The following PRKN variants were observed in gnomAD, a reference collection of about 807,000 sequenced individuals.
PRKN encodes E3 ubiquitin-protein ligase parkin.
Under a neutral mutation model 59.5 loss-of-function variants are expected in PRKN, and 56 were observed. That is an observed-to-expected ratio of 0.94 (90% CI 0.76 to 1.18). PRKN has a LOEUF of 1.18. PRKN is among the 50% of genes most tolerant of loss of function. The pLI, the probability that PRKN is intolerant of heterozygous loss-of-function variation, is 0.00. For missense variants in PRKN, 657 were observed against 596.4 expected (o/e 1.10, Z -1.06); for synonymous variants, 250 against 222.1 (o/e 1.13, Z -1.12).
intron 5 of PRKN, among the ~76,000 whole-genome samples, chr6:162,024,159 A>ACGAGTC (rs1783322764): frequency 6.8e-6 from 1 of 147,500 alleles, no homozygotes; most frequent in African/African-American, 2.5e-5. Context: ...TGTGTCAGGT[A>ACGAGTC]CGAGTCCCTC....
intron 4 of PRKN, among the ~76,000 whole-genome samples, chr6:162,055,952 C>T (rs1777839954): frequency 6.6e-6 from 1 of 151,968 alleles, no homozygotes; most frequent in South Asian, 2.1e-4. Flanking sequence ...CACATGCATG[C>T]CACACACTCA....
chr6:162,385,805 A>G, intron 2 of PRKN, among the ~76,000 whole-genome samples: 1 of 152,136 alleles, frequency 6.6e-6, no homozygotes, highest in East Asian at 1.9e-4. Context: ...TCTGAACAAA[A>G]GGAAATTAAT....
At chr6:161,692,696 A>T (rs916418500) in intron 7 of PRKN, among the ~76,000 whole-genome samples, 1 of 152,200 alleles carries the variant, frequency 6.6e-6, no homozygotes, top group Non-Finnish European at 1.5e-5. Context: ...TTTGAGGTCG[A>T]GAATTTGAGA....
rs1427010079 is a variant in PRKN at position 161,880,982 on chromosome 6, C to CT, written c.734+92319dup. ...CAGAAAACTAGTTATGTGGGGTTTG[C>CT]TTTTTTCAGTTTCTAAGCTTTCATA... is the stretch of plus-strand genomic sequence containing the variant. On this transcript the variant is annotated intron_variant, in intron 6 of 11. Coordinates refer to ENST00000366898, the MANE Select transcript of PRKN (RefSeq NM_004562.3). Among the ~76,000 whole-genome samples the CT allele has an allele frequency of 1.3e-4, 20 of 152,172 alleles. No homozygotes were observed. The East Asian group carries it at 3.5e-3, about 26-fold the overall frequency.
At chr6:162,445,521 T>C (rs1180491373) in intron 1 of PRKN, among the ~76,000 whole-genome samples, 4 of 151,384 alleles carry the variant, frequency 2.6e-5, no homozygotes, top group African/African-American at 9.7e-5. Flanking sequence ...ACCCCATCTC[T>C]ACAAAAAATT....
chr6:161,715,332 T>G (rs955752188), intron 7 of PRKN, among the ~76,000 whole-genome samples: 4 of 152,068 alleles, frequency 2.6e-5, no homozygotes, highest in African/African-American at 9.7e-5. Context: ...TTCCTGACTT[T>G]CGGTGATGAT....
In PRKN at chr6:161,354,719, T is replaced by G. The variant is rs1784685897; in HGVS notation, c.1286-4508A>C. Among the ~76,000 whole-genome samples the G allele has an allele frequency of 6.6e-6, 1 of 152,220 alleles. No homozygotes were observed. The highest frequency in any genetic ancestry group is 1.5e-5 in the Non-Finnish European group (1 of 68,046). ...CCTTGGTGACAACCAGGTAACATCC[T>G]TGGTCATAGAGGCTATGTCGGTTTC... is the stretch of plus-strand genomic sequence containing the variant. On this transcript the variant is annotated intron_variant, in intron 11 of 11. Transcript: ENST00000366898. This position sits in a 1 kb window ranked among gnomAD's most constrained non-coding sequence, Gnocchi z 6.7.
chr6:161,663,312 C>T (rs1020169286), intron 7 of PRKN, among the ~76,000 whole-genome samples: 2 of 152,146 alleles, frequency 1.3e-5, no homozygotes, highest in Non-Finnish European at 2.9e-5. Flanking sequence ...ACCGGACCTT[C>T]GACTTTGGCG....
intron 7 of PRKN, among the ~76,000 whole-genome samples, chr6:161,757,721 C>A (rs909132162): frequency 6.6e-6 from 1 of 151,496 alleles, no homozygotes; most frequent in Non-Finnish European, 1.5e-5. Flanking sequence ...GCCTGTAATC[C>A]CAGCTACTCG....
At chr6:161,534,471 C>A (rs1410496934) in intron 9 of PRKN, among the ~76,000 whole-genome samples, 1 of 152,200 alleles carries the variant, frequency 6.6e-6, no homozygotes, top group African/African-American at 2.4e-5. Flanking sequence ...GGCCCCACAG[C>A]AGCTCCACGT....
At chr6:162,017,585 A>C (rs1782975555) in intron 5 of PRKN, among the ~76,000 whole-genome samples, 1 of 131,946 alleles carries the variant, frequency 7.6e-6, no homozygotes, top group Admixed American at 7.4e-5. Flanking sequence ...ATGTTTGAAA[A>C]ACCATGGTTT....
At chr6:161,841,743 T>C (rs1167193961) in intron 6 of PRKN, among the ~76,000 whole-genome samples, 8 of 152,208 alleles carry the variant, frequency 5.3e-5, no homozygotes, top group African/African-American at 1.4e-4. Flanking sequence ...ACCCTTGATA[T>C]AAGATTGGTT....
intron 5 of PRKN, among the ~76,000 whole-genome samples, chr6:162,001,135 T>G (rs4131681): frequency 0.48 from 72,391 of 151,756 alleles, 17,487 homozygotes; most frequent in East Asian, 0.6. Context: ...CTGGGTCTTT[T>G]GCCTCTTCAT....
chr6:162,333,183 T>C (rs1783667305), intron 2 of PRKN, among the ~76,000 whole-genome samples: 1 of 151,910 alleles, frequency 6.6e-6, no homozygotes, highest in Admixed American at 6.6e-5. Flanking sequence ...TCTCTGCTAC[T>C]CTCTTTTTAT....
At chr6:162,675,324 C>T (rs1170687424) in intron 1 of PRKN, among the ~76,000 whole-genome samples, 2 of 152,086 alleles carry the variant, frequency 1.3e-5, no homozygotes, top group South Asian at 2.1e-4. Context: ...GCCGGGATTA[C>T]AGGCATAAAC....
At chr6:162,126,709 A>C (rs973895115) in intron 4 of PRKN, among the ~76,000 whole-genome samples, 1 of 152,192 alleles carries the variant, frequency 6.6e-6, no homozygotes, top group Non-Finnish European at 1.5e-5. Context: ...CCTTGAGTTA[A>C]AATTAGAATT....
intron 7 of PRKN, among the ~76,000 whole-genome samples, chr6:161,708,517 G>C (rs973373080): frequency 6.6e-6 from 1 of 151,330 alleles, no homozygotes; most frequent in African/African-American, 2.4e-5. Flanking sequence ...TCTGTGTATG[G>C]GGGGGAGGTA....
intron 1 of PRKN, among the ~76,000 whole-genome samples, chr6:162,621,908 G>A (rs1033548220): frequency 2.0e-5 from 3 of 152,044 alleles, no homozygotes; most frequent in South Asian, 2.1e-4. Context: ...CTCCATCTCC[G>A]GGTTCAATTG....
intron 4 of PRKN, among the ~76,000 whole-genome samples, chr6:162,061,129 A>G (rs57290174): frequency 0.063 from 9,582 of 152,244 alleles, 391 homozygotes; most frequent in African/African-American, 0.11. Context: ...TCTACCAATG[A>G]CTAGCTATAT....
Sources: allele counts gnomAD v4.1 joint callset (sites outside exome capture counted in the v4.1 genomes callset), GRCh38; gene constraint gnomAD v4.1.1; non-coding constraint Gnocchi (gnomAD v3.1); transcripts MANE v1.5; gene names NCBI Gene and HGNC (gene_info 2026-07-23, HGNC 2026-07-21).